The following TPD52L1 variants were observed in gnomAD, a reference collection of about 807,000 sequenced individuals.
The protein encoded by TPD52L1 is tumor protein D53.
Under a neutral mutation model 28.7 loss-of-function variants are expected in TPD52L1, and 18 were observed. The observed-to-expected ratio is 0.63, with a 90% confidence interval of 0.43 to 0.93. The LOEUF (loss-of-function observed/expected upper bound fraction) is 0.93, where lower values mean the gene tolerates loss of function less well. TPD52L1 is among the 40% of genes least tolerant of loss of function. TPD52L1 has a pLI of 0.00. For synonymous variants in TPD52L1, 75 were observed against 88.8 expected, an observed-to-expected ratio of 0.84 and a Z score of 0.88; for missense variants, 203 against 254.8, an observed-to-expected ratio of 0.80 and a Z score of 1.39.
intron 2 of TPD52L1, among the ~76,000 whole-genome samples, chr6:125,221,219 G>A (rs1795209209): frequency 6.6e-6 from 1 of 152,152 alleles, no homozygotes; most frequent in Admixed American, 6.5e-5. Context: ...CGTTCCTCTG[G>A]TATAACCAAA....
chr6:125,205,291 T>G (rs1365618831), intron 1 of TPD52L1, among the ~76,000 whole-genome samples: 1 of 152,142 alleles, frequency 6.6e-6, no homozygotes, highest in Non-Finnish European at 1.5e-5. Context: ...GGCCGGCTGA[T>G]CTTATGTGGT....
intron 1 of TPD52L1, among the ~76,000 whole-genome samples, chr6:125,200,520 A>G (rs1010439746): frequency 5.3e-5 from 8 of 152,200 alleles, no homozygotes; most frequent in Non-Finnish European, 1.2e-4. Flanking sequence ...TAAACAGTCA[A>G]GTAATACAGA....
intron 3 of TPD52L1, 118 bp downstream of exon 3, chr6:125,229,384 A>G (rs1795809450): frequency 1.9e-6 from 2 of 1,035,842 alleles, no homozygotes; most frequent in African/African-American, 1.7e-5. Context: ...AAAAAAAAAT[A>G]CTTTCTCTAA....
intron 1 of TPD52L1, among the ~76,000 whole-genome samples, chr6:125,156,672 G>A (rs1036417422): frequency 6.6e-6 from 1 of 152,048 alleles, no homozygotes; most frequent in Non-Finnish European, 1.5e-5. Flanking sequence ...GGGAGGTTGA[G>A]GTGGGAGGAT....
At chr6:125,156,262 C>T (rs564259857) in intron 1 of TPD52L1, among the ~76,000 whole-genome samples, 2 of 151,386 alleles carry the variant, frequency 1.3e-5, no homozygotes, top group East Asian at 2.0e-4. Context: ...CCCAGGAGTT[C>T]GAGACCAGCC....
At chr6:125,159,133 A>G (rs544882409) in intron 1 of TPD52L1, among the ~76,000 whole-genome samples, 40 of 152,294 alleles carry the variant, frequency 2.6e-4, no homozygotes, top group African/African-American at 9.4e-4. Flanking sequence ...ACATAGATTG[A>G]CTATTCCTTT....
At chr6:125,180,567 T>C (rs866731690) in intron 1 of TPD52L1, among the ~76,000 whole-genome samples, 82 of 146,870 alleles carry the variant, frequency 5.6e-4, no homozygotes, top group Middle Eastern at 3.5e-3. Flanking sequence ...ATATATTATA[T>C]ATACACACAC....
At chr6:125,206,498 C>T (rs1794151502) in intron 1 of TPD52L1, among the ~76,000 whole-genome samples, 1 of 151,900 alleles carries the variant, frequency 6.6e-6, no homozygotes, top group Non-Finnish European at 1.5e-5. Flanking sequence ...ACAAGAGAAA[C>T]AGAGGAAAAA....
At chr6:125,186,043 G>A (rs577161125) in intron 1 of TPD52L1, among the ~76,000 whole-genome samples, 61 of 151,948 alleles carry the variant, frequency 4.0e-4, no homozygotes, top group Non-Finnish European at 6.5e-4. Flanking sequence ...ATAGATGCGT[G>A]CCACCACGCC....
chr6:125,159,223 A>G (rs1476918980), intron 1 of TPD52L1, among the ~76,000 whole-genome samples: 1 of 152,234 alleles, frequency 6.6e-6, no homozygotes, highest in African/African-American at 2.4e-5. Context: ...ATTGGAATCA[A>G]TCCTCTCAAG....
intron 1 of TPD52L1, chr6:125,214,486 G>T (rs145716635): frequency 2.0e-6 from 2 of 976,200 alleles, no homozygotes; most frequent in Non-Finnish European, 2.4e-6. Context: ...TATCTAAGGG[G>T]TATCTAAGGG....
intron 1 of TPD52L1, chr6:125,208,908 A>C: frequency 1.0e-6 from 1 of 985,398 alleles, no homozygotes; most frequent in Non-Finnish European, 1.2e-6. Context: ...CTAGGGCAGG[A>C]ATAAGCCAGC....
At chr6:125,224,746 G>A (rs1370205212) in intron 2 of TPD52L1, among the ~76,000 whole-genome samples, 4 of 152,000 alleles carry the variant, frequency 2.6e-5, no homozygotes, top group Non-Finnish European at 5.9e-5. Context: ...TTTCCTTCTG[G>A]GTTGCAGTTA....
At chr6:125,228,249 G>A (rs1238065220) in intron 2 of TPD52L1, among the ~76,000 whole-genome samples, 1 of 152,100 alleles carries the variant, frequency 6.6e-6, no homozygotes, top group African/African-American at 2.4e-5. Flanking sequence ...GGAAGAAGAA[G>A]AAGCAAGTAA....
chr6:125,208,667 T>C (rs1035934462), intron 1 of TPD52L1, among the ~76,000 whole-genome samples: 1 of 152,180 alleles, frequency 6.6e-6, no homozygotes, highest in East Asian at 1.9e-4. Flanking sequence ...TACACCCTCA[T>C]GCTAGGACAT....
At position 125,160,849 on chromosome 6, in the gene TPD52L1, A is replaced by ACTT. The variant is rs1366066516; in HGVS notation, c.19+6880_19+6882dup. Among the ~76,000 whole-genome samples the ACTT allele has an allele frequency of 4.0e-4, 52 of 130,964 alleles. 1 individual carries two copies. Among genetic ancestry groups the ACTT allele is most frequent in the African/African-American group, 1.5e-3 (51 of 33,088 alleles). 85.9% of individuals were successfully genotyped at this position (130,964 alleles called of 152,430 possible). ...CTTGCACTTTTATGTTACAGAGATG[A>ACTT]CTTTTTTTTTTTTTTTTTTTGAGAT... On this transcript the variant is annotated intron_variant, in intron 1 of 6. Transcript: ENST00000534000.
chr6:125,237,472 A>T (rs973842736), intron 3 of TPD52L1, among the ~76,000 whole-genome samples: 1 of 152,210 alleles, frequency 6.6e-6, no homozygotes, highest in African/African-American at 2.4e-5. Flanking sequence ...GAAAGGTTAA[A>T]GATGATGCTA....
intron 1 of TPD52L1, among the ~76,000 whole-genome samples, chr6:125,199,944 C>A (rs1280300195): frequency 6.6e-6 from 1 of 152,186 alleles, no homozygotes; most frequent in Non-Finnish European, 1.5e-5. Context: ...AGTGGCTCAT[C>A]ACCTCATTGC....
chr6:125,224,057 G>T (rs971137003), intron 2 of TPD52L1, among the ~76,000 whole-genome samples: 14 of 147,606 alleles, frequency 9.5e-5, no homozygotes, highest in Admixed American at 4.7e-4. Context: ...TTACACACCT[G>T]TTTTTTTTTT....
Sources: gnomAD v4.1 joint callset for allele counts (sites outside exome capture counted in the v4.1 genomes callset) on GRCh38, gnomAD v4.1.1 for gene constraint, MANE v1.5 for transcripts, NCBI Gene and HGNC (gene_info 2026-07-23, HGNC 2026-07-21) for gene names.